Variants in SPTBN5 observed in about 807,000 individuals in gnomAD.
SPTBN5 encodes the protein spectrin beta chain, non-erythrocytic 5.
SPTBN5 carries 513 observed loss-of-function variants against 477.6 expected under a neutral mutation model. The observed-to-expected ratio is 1.07, with a 90% CI of 1.00 to 1.16. SPTBN5 has a LOEUF of 1.16. Ranked by LOEUF, SPTBN5 falls within the 50% of genes most tolerant of loss-of-function variation. SPTBN5 has a pLI of 0.00. For synonymous variants in SPTBN5, 2,169 were observed against 2,011.7 expected (o/e 1.08, Z -2.09); for missense variants, 5,062 against 4,731.8 (o/e 1.07, Z -2.05).
intron 42 of SPTBN5, 50 bp downstream of exon 42, chr15:41,862,740 G>T (rs1182461574): frequency 1.2e-5 from 19 of 1,544,952 alleles, no homozygotes; most frequent in Non-Finnish European, 1.5e-5. Flanking sequence ...TTGTGCCCAG[G>T]GTCCTACTCA....
Position 41,868,547 on chromosome 15 carries a change from C to T in SPTBN5, c.5908G>A (p.Glu1970Lys), listed in dbSNP as rs1458045763. 1 of 1,605,444 alleles carries T rather than the reference C, an allele frequency of 6.2e-7. No homozygotes were observed. The highest frequency in any genetic ancestry group is 8.5e-7 in the Non-Finnish European group (1 of 1,179,746). The change falls in exon 33 of 68, where the codon GAG (glutamate) becomes AAG (lysine). Residue 1970 changes from glutamate to lysine, a missense_variant. Physicochemically the swap from Glu to Lys is moderately conservative, Grantham distance 56 (BLOSUM62 1). Transcript: ENST00000320955. ...CCACTGCTAGGCTCTTGCGAACTCT[C>T]CTCCACCTGCAGGTCCTGGCGCACG... Reference protein sequence around the residue: ...ARVRQDLQVEESSQEPSSGPL... With the variant: ...ARVRQDLQVEKSSQEPSSGPL...
intron 23 of SPTBN5, 83 bp downstream of exon 23, chr15:41,874,759 C>T (rs2140948100): frequency 7.1e-7 from 1 of 1,411,826 alleles, no homozygotes; most frequent in Admixed American, 2.1e-5. Flanking sequence ...GTCTGGACAC[C>T]CCGGTCCTGT....
chr15:41,880,576 C>T (rs1567223572), intron 13 of SPTBN5, among the ~76,000 whole-genome samples: 1 of 152,238 alleles, frequency 6.6e-6, no homozygotes, highest in Non-Finnish European at 1.5e-5. Context: ...GCTGAAACCT[C>T]TCAGTGCCAG....
chr15:41,893,211 C>G, intron 2 of SPTBN5, 71 bp downstream of exon 2: 2 of 1,602,316 alleles, frequency 1.2e-6, no homozygotes, highest in African/African-American at 1.3e-5. Context: ...CACAGCTCAC[C>G]CCGGAGGCCC....
At position 41,893,311 on chromosome 15, in the gene SPTBN5, A is replaced by G; in HGVS notation, c.187T>C (p.Trp63Arg). Residue 63 changes from tryptophan to arginine, a missense_variant, in exon 2 of 68, where the codon TGG becomes CGG. Physicochemically the swap from Trp to Arg is moderately radical, Grantham distance 101 (BLOSUM62 -3). Coordinates refer to ENST00000320955, the MANE Select transcript of SPTBN5 (RefSeq NM_016642.4). ...MQMQEKTFTKWINNVFQCGQA... is the reference protein window; with the variant it reads ...MQMQEKTFTKRINNVFQCGQA... The stretch of plus-strand genomic sequence containing the variant: ...CCGCACTGGAAGACGTTATTGATCC[A>G]CTTGGTGAAAGTCTTCTCCTGCATC... 1.2e-6 allele frequency: 2 copies of G among 1,613,944 alleles called. No homozygotes were observed. Among genetic ancestry groups the G allele is most frequent in the Non-Finnish European group, 1.7e-6 (2 of 1,179,868 alleles).
intron 58 of SPTBN5, 32 bp from the exon 59 acceptor site, chr15:41,853,479 G>C: frequency 1.3e-6 from 2 of 1,546,030 alleles, no homozygotes; most frequent in Non-Finnish European, 1.8e-6. Context: ...TGTTGTCAGG[G>C]CTGGCTGGGG....
At chr15:41,862,031 C>T (rs958863684) in intron 44 of SPTBN5, 99 bp downstream of exon 44, 14 of 1,509,652 alleles carry the variant, frequency 9.3e-6, no homozygotes, top group Middle Eastern at 2.2e-4. Context: ...ATAGGCAGGG[C>T]GGGACACTCA....
chr15:41,850,910 G>A lies in SPTBN5; in HGVS notation c.10865C>T (p.Ala3622Val), dbSNP rs1389305818. The change falls in exon 66 of 68, where the codon GCA becomes GTA. Residue 3622 changes from alanine to valine, a missense_variant. Transcript: ENST00000320955. ...CTCAGCCTGCTCTTCGGACGGTGCT[G>A]CAAACAGGATCTCTGCCCCACTGGT... ...RLTSGAEILF[A>V]APSEEQAESW... The A allele has an allele frequency of 1.9e-6, 3 of 1,603,240 alleles. No homozygotes were observed. Among genetic ancestry groups the A allele is most frequent in the Admixed American group, 3.4e-5 (2 of 58,882 alleles).
chr15:41,867,409 A>G, intron 35 of SPTBN5, 129 bp downstream of exon 35: 1 of 961,182 alleles, frequency 1.0e-6, no homozygotes, highest in Non-Finnish European at 1.6e-6. Flanking sequence ...GTCAACCCCA[A>G]CCAGGACCCC....
intron 6 of SPTBN5, 26 bp from the exon 7 acceptor site, chr15:41,886,392 A>G: frequency 6.4e-7 from 1 of 1,557,650 alleles, no homozygotes; most frequent in African/African-American, 1.4e-5. Flanking sequence ...GGAAGGGGTC[A>G]GGGTCCTTCT....
chr15:41,849,874 T>C lies in SPTBN5; in HGVS notation c.11007A>G (p.Leu3669=). 2.5e-6 allele frequency: 4 copies of C among 1,574,228 alleles called. No individual in the cohort carries two copies. The highest frequency in any genetic ancestry group is 3.4e-6 in the Non-Finnish European group (4 of 1,159,652). ...CCCCCACCCAGGTGTCCCACCTGAG[T>C]AGACATCCAGGCCGGGCATCCTTGG... is the stretch of plus-strand genomic sequence containing the variant. ...CTTKDARPGC[L]LRSDP is the part of the protein sequence containing the mutation. Residue 3669 remains leucine, a synonymous_variant, in exon 67 of 68, where the codon CTA becomes CTG. Transcript: ENST00000320955.
In SPTBN5 at chr15:41,893,155, T is replaced by A. The variant is rs912888102; in HGVS notation, c.217-94A>T. 4 of 1,568,026 alleles carry A rather than the reference T, an allele frequency of 2.6e-6. No homozygotes were observed. In the African/African-American group the frequency reaches 5.4e-5, roughly 21 times the overall value. ...GAGGTACGACCCAGAGCAGCTGCTT[T>A]GGAAGAAGGAGCTCTGGCCTCAGCT... On this transcript the variant is annotated intron_variant, in intron 2 of 67. Coordinates refer to ENST00000320955, the MANE Select transcript of SPTBN5 (RefSeq NM_016642.4).
chr15:41,882,867 C>G (rs868070484), intron 9 of SPTBN5, 129 bp from the exon 10 acceptor site: 5 of 1,384,146 alleles, frequency 3.6e-6, no homozygotes, highest in South Asian at 1.4e-5. Flanking sequence ...ACAGGTGAGA[C>G]GGAGGCTTTG....
intron 7 of SPTBN5, among the ~76,000 whole-genome samples, chr15:41,884,433 A>G (rs1331594658): frequency 6.6e-6 from 1 of 151,980 alleles, no homozygotes; most frequent in African/African-American, 2.4e-5. Context: ...CATCTTGATA[A>G]CTCACTTTCT....
intron 57 of SPTBN5, 122 bp downstream of exon 57, chr15:41,853,928 A>C: frequency 7.0e-7 from 1 of 1,438,062 alleles, no homozygotes; most frequent in Non-Finnish European, 9.2e-7. Flanking sequence ...CCCTCGGGGA[A>C]GGATCTGGGT....
chr15:41,854,943 C>T lies in SPTBN5; in HGVS notation c.9457G>A (p.Glu3153Lys), dbSNP rs926561557. The T allele has an allele frequency of 6.4e-7, 1 of 1,562,220 alleles. No homozygotes were observed. Among genetic ancestry groups the T allele is most frequent in the South Asian group, 1.2e-5 (1 of 84,048 alleles). ...LEEKFDAFRK[E>K]VQSLGQAKVY... ...TTGGCCTGGCCCAGGCTCTGCACTT[C>T]CTTTCTGAAAGCATCAAACTTCTCT... The change falls in exon 56 of 68, where the codon GAA (glutamate) becomes AAA (lysine). Residue 3153 changes from glutamate to lysine, a missense_variant. Coordinates refer to ENST00000320955, the MANE Select transcript of SPTBN5 (RefSeq NM_016642.4).
intron 36 of SPTBN5, 27 bp downstream of exon 36, chr15:41,866,932 G>A: frequency 6.5e-7 from 1 of 1,544,484 alleles, no homozygotes; most frequent in Non-Finnish European, 8.7e-7. Flanking sequence ...TCCAGTGGAA[G>A]GCCCTGGGCT....
chr15:41,878,540 A>G lies in SPTBN5; in HGVS notation c.3272T>C (p.Val1091Ala). The G allele has an allele frequency of 1.9e-6, 3 of 1,612,932 alleles. No homozygotes were observed. Among genetic ancestry groups the G allele is most frequent in the Non-Finnish European group, 2.5e-6 (3 of 1,179,734 alleles). ...QGLLKQVQEQ[V>A]AQRARRQAET... is the part of the protein sequence containing the mutation. ...AGCCTGGCGCCGGGCCCGTTGGGCC[A>G]CTTGTTCCTGTACTTGCTTCAGCAG... Residue 1091 changes from valine to alanine, a missense_variant, in exon 17 of 68, where the codon GTG becomes GCG. Val to Ala is a moderately conservative substitution (Grantham distance 64). Coordinates refer to ENST00000320955, the MANE Select transcript of SPTBN5 (RefSeq NM_016642.4).
In SPTBN5 at chr15:41,877,116, C is replaced by A. The variant is rs1470191172; in HGVS notation, c.3711G>T (p.Gly1237=). Residue 1237 remains glycine, a splice_region_variant and synonymous_variant, in exon 18 of 68, where the codon GGG becomes GGT. Coordinates refer to ENST00000320955, the MANE Select transcript of SPTBN5 (RefSeq NM_016642.4). The part of the protein sequence containing the change: ...HQAWLHLDNL[G]EDVREALSLL... ...CTAGCTCCACATTCCTGCTCCATAC[C>A]CCAAGGTTGTCCAGGTGCAGCCAGG... The A allele has an allele frequency of 6.2e-7, 1 of 1,613,834 alleles. No homozygotes were observed. The highest frequency in any genetic ancestry group is 8.5e-7 in the Non-Finnish European group (1 of 1,179,824).
Sources: gnomAD v4.1 joint callset for allele counts (sites outside exome capture counted in the v4.1 genomes callset) on GRCh38, gnomAD v4.1.1 for gene constraint, MANE v1.5 for transcripts, NCBI Gene and HGNC (gene_info 2026-07-23, HGNC 2026-07-21) for gene names.